TRPM7: variants seen among roughly 807,000 people sequenced by gnomAD.
TRPM7 encodes LTRPC ion channel family member 7.
A neutral mutation model predicts 229.7 loss-of-function variants in TRPM7; 134 were observed. The observed-to-expected ratio is 0.58, with a 90% CI of 0.51 to 0.67. The LOEUF is 0.67. Among genes scored for constraint, TRPM7 ranks in the 30% least tolerant of loss-of-function variants. The pLI is 0.00. For synonymous variants in TRPM7, 699 were observed against 715.2 expected (o/e 0.98, Z 0.36); for missense variants, 1,901 against 2,210.0 (o/e 0.86, Z 2.80).
In TRPM7 at chr15:50,634,416, G is replaced by C. The variant is rs1213219579; in HGVS notation, c.973C>G (p.Leu325Val). Reference sequence around the variant, plus strand: ...TCTGTTTGTTTATGAATATACGCTAGCAGATCTGCAGCTCTGCCTGTTCCT... The same window carrying C: ...TCTGTTTGTTTATGAATATACGCTACCAGATCTGCAGCTCTGCCTGTTCCT... The part of the protein sequence containing the change: ...CEGTGRAADL[L>V]AYIHKQTEEG... The change falls in exon 8 of 39, where the codon CTA becomes GTA. Residue 325 changes from leucine (L) to valine (V), a missense_variant. Coordinates refer to ENST00000646667, the MANE Select transcript of TRPM7 (RefSeq NM_017672.6). 1.9e-6 allele frequency: 3 copies of C among 1,584,742 alleles called. No individual in the cohort carries two copies. The highest frequency in any genetic ancestry group is 2.8e-5 in the African/African-American group (2 of 72,508).
intron 1 of TRPM7, among the ~76,000 whole-genome samples, chr15:50,676,427 AT>A (rs1277897376): frequency 6.6e-6 from 1 of 152,064 alleles, no homozygotes; most frequent in Non-Finnish European, 1.5e-5. Flanking sequence ...TGGACAAAAG[AT>A]AAAAAAGAGG....
intron 21 of TRPM7, among the ~76,000 whole-genome samples, chr15:50,601,164 C>T (rs983091261): frequency 3.9e-5 from 6 of 152,120 alleles, no homozygotes; most frequent in Non-Finnish European, 8.8e-5. Flanking sequence ...CCAAATGAAA[C>T]GCAAATCTGT....
At chr15:50,610,432 C>A (rs1478159222) in intron 17 of TRPM7, among the ~76,000 whole-genome samples, 1 of 152,100 alleles carries the variant, frequency 6.6e-6, no homozygotes, top group Non-Finnish European at 1.5e-5. Flanking sequence ...TTATTACTTG[C>A]AAAATCCCAA....
chr15:50,658,776 T>C (rs2061652412), intron 2 of TRPM7, among the ~76,000 whole-genome samples: 1 of 152,200 alleles, frequency 6.6e-6, no homozygotes, highest in Non-Finnish European at 1.5e-5. Flanking sequence ...ATGAAAATTG[T>C]ACAAGGTCGT....
At chr15:50,593,924 C>T (rs1405606740) in intron 24 of TRPM7, among the ~76,000 whole-genome samples, 175 bp from the exon 25 acceptor site, 2 of 152,122 alleles carry the variant, frequency 1.3e-5, no homozygotes, top group African/African-American at 2.4e-5. Flanking sequence ...TTTTGCTTCA[C>T]CAGTGTGATG....
chr15:50,671,766 C>T (rs1436671553), intron 1 of TRPM7, among the ~76,000 whole-genome samples: 2 of 151,860 alleles, frequency 1.3e-5, no homozygotes, highest in Non-Finnish European at 2.9e-5. Context: ...GCTATGATCA[C>T]GCCACTACAC....
Position 50,612,698 on chromosome 15 carries a change from C to T in TRPM7, c.1902G>A (p.Arg634=), listed in dbSNP as rs2060094712. 1 of 1,614,030 alleles carries T rather than the reference C, an allele frequency of 6.2e-7. No individual in the cohort carries two copies. The highest frequency in any genetic ancestry group is 1.1e-5 in the South Asian group (1 of 91,082). ...GCCATAAAAAACGGGCCATGACCTGCCTCTTCATAAGGCAAGCCCAAATTA... is the reference window on the plus strand; with the variant it reads ...GCCATAAAAAACGGGCCATGACCTGTCTCTTCATAAGGCAAGCCCAAATTA... The part of the protein sequence containing the change: ...ELLIWACLMK[R]QVMARFLWQH... Residue 634 remains arginine (R), a synonymous_variant, in exon 16 of 39, where the codon AGG becomes AGA. Coordinates refer to ENST00000646667, the MANE Select transcript of TRPM7 (RefSeq NM_017672.6).
chr15:50,652,777 G>C (rs2061459051), intron 3 of TRPM7, among the ~76,000 whole-genome samples: 1 of 152,202 alleles, frequency 6.6e-6, no homozygotes, highest in African/African-American at 2.4e-5. Context: ...GAGGTGGGAA[G>C]ACTGCTTGAG....
chr15:50,618,677 TG>T (rs1462888697), intron 13 of TRPM7, among the ~76,000 whole-genome samples: 7 of 152,172 alleles, frequency 4.6e-5, no homozygotes, highest in Non-Finnish European at 1.0e-4. Context: ...TACACGCATA[TG>T]TTATGTAGCG....
At chr15:50,593,196 G>A (rs1315667675) in intron 25 of TRPM7, among the ~76,000 whole-genome samples, 1 of 152,114 alleles carries the variant, frequency 6.6e-6, no homozygotes, top group Non-Finnish European at 1.5e-5. Context: ...AACTGAGGCA[G>A]GAGAATCACT....
chr15:50,662,859 G>A (rs1235986923), intron 2 of TRPM7, 108 bp downstream of exon 2: 13 of 806,858 alleles, frequency 1.6e-5, no homozygotes, highest in Middle Eastern at 2.4e-4. Context: ...AAAAGTAACA[G>A]TAAGTACAAA....
At chr15:50,600,136 T>C (rs571667659) in intron 21 of TRPM7, among the ~76,000 whole-genome samples, 2 of 152,244 alleles carry the variant, frequency 1.3e-5, no homozygotes, top group Admixed American at 1.3e-4. Flanking sequence ...GCCTAGACAA[T>C]ATAAAAAAGT....
rs1193752942 is a variant in TRPM7, at chr15:50,561,393, C to T, written c.*285G>A. 1.1e-5 allele frequency: 3 copies of T among 283,524 alleles called. No homozygotes were observed. The highest frequency in any genetic ancestry group is 2.0e-5 in the Non-Finnish European group (3 of 153,234). 17.6% of individuals were successfully genotyped at this position (283,524 alleles called of 1,614,324 possible). A position where few individuals can be genotyped will look rare whatever the true frequency, so the allele number is the denominator to read the frequency against. ...AGAGAGAGCATCACCCTCATCAAAACAAAGTCAAATGAGATCCTCTGCTAT... is the reference window on the plus strand; with the variant it reads ...AGAGAGAGCATCACCCTCATCAAAATAAAGTCAAATGAGATCCTCTGCTAT... On this transcript the variant is annotated 3_prime_UTR_variant, in exon 39 of 39. Coordinates refer to ENST00000646667, the MANE Select transcript of TRPM7 (RefSeq NM_017672.6).
chr15:50,569,042 A>AT (rs79577076), intron 38 of TRPM7, among the ~76,000 whole-genome samples: 17 of 150,852 alleles, frequency 1.1e-4, no homozygotes, highest in South Asian at 2.1e-4. Context: ...GACATGTGTA[A>AT]TTTTTTTTTT....
intron 1 of TRPM7, among the ~76,000 whole-genome samples, chr15:50,666,648 C>T (rs1337047593): frequency 2.6e-5 from 4 of 151,912 alleles, no homozygotes; most frequent in African/African-American, 7.3e-5. Flanking sequence ...ACTAAAAATA[C>T]AAAATTAGCC....
intron 21 of TRPM7, among the ~76,000 whole-genome samples, chr15:50,599,888 T>C (rs2059729779): frequency 6.6e-6 from 1 of 152,190 alleles, no homozygotes; most frequent in African/African-American, 2.4e-5. Flanking sequence ...GGGAAACAAA[T>C]ACTTTTGTAA....
intron 1 of TRPM7, among the ~76,000 whole-genome samples, chr15:50,679,538 A>ATAATATATATATATATATATATATTT (rs1400383980): frequency 3.9e-4 from 17 of 43,902 alleles, no homozygotes; most frequent in Non-Finnish European, 6.1e-4. Flanking sequence ...ATATATATAT[A>ATAATATATATATATATATATATATTT]TTTTTTTTTT....
intron 21 of TRPM7, among the ~76,000 whole-genome samples, chr15:50,602,720 T>G (rs559015481): frequency 6.6e-6 from 1 of 152,180 alleles, no homozygotes; most frequent in Non-Finnish European, 1.5e-5. Flanking sequence ...TAACATGTAA[T>G]AGATACACAA....
At chr15:50,571,802 T>A (rs1412620091) in intron 36 of TRPM7, among the ~76,000 whole-genome samples, 1 of 152,240 alleles carries the variant, frequency 6.6e-6, no homozygotes, top group Non-Finnish European at 1.5e-5. Flanking sequence ...TATGTTGAGA[T>A]GGAATCTACT....
Sources: gnomAD v4.1 joint callset for allele counts (sites outside exome capture counted in the v4.1 genomes callset) on GRCh38, gnomAD v4.1.1 for gene constraint, MANE v1.5 for transcripts, NCBI Gene and HGNC (gene_info 2026-07-23, HGNC 2026-07-21) for gene names.